Variants in SORCS2 observed in about 807,000 individuals in gnomAD.
SORCS2 encodes the protein sortilin related VPS10 domain containing receptor 2, also known as VPS10 domain-containing receptor SorCS2.
SORCS2 carries 100 observed loss-of-function variants against 141.6 expected under a neutral mutation model. That is an observed-to-expected ratio of 0.71 (90% CI 0.60 to 0.83). The LOEUF (loss-of-function observed/expected upper bound fraction) is 0.83. Among genes scored for constraint, SORCS2 ranks in the 40% least tolerant of loss-of-function variants. The probability of loss-of-function intolerance (pLI) is 0.00; values close to 1 mark genes in which losing one functional copy is unlikely to be tolerated. For synonymous variants in SORCS2, 789 were observed against 676.9 expected (o/e 1.17, Z -2.57); for missense variants, 1,646 against 1,560.2 (o/e 1.05, Z -0.93).
chr4:7,485,227 G>A (rs915231193), intron 2 of SORCS2, among the ~76,000 whole-genome samples: 1 of 152,208 alleles, frequency 6.6e-6, no homozygotes, highest in Non-Finnish European at 1.5e-5. Flanking sequence ...TCCAGGTCTG[G>A]TCTAAGCCAG....
Position 7,726,922 on chromosome 4 carries a change from C to G in SORCS2, c.2869+19C>G. 6.2e-7 allele frequency: 1 copy of G among 1,607,222 alleles called. No individual in the cohort carries two copies. Among genetic ancestry groups the G allele is most frequent in the East Asian group, 2.2e-5 (1 of 44,666 alleles). ...GTGCTGGGTAAGTACTTCCTGGGGT[C>G]TGGCAGCACGGCCTCTGCATCTCTG... is the stretch of plus-strand genomic sequence containing the variant. On this transcript the variant is annotated intron_variant, in intron 21 of 26. Coordinates refer to ENST00000507866, the MANE Select transcript of SORCS2 (RefSeq NM_020777.3).
At chr4:7,374,947 G>C (rs892702774) in intron 1 of SORCS2, among the ~76,000 whole-genome samples, 1 of 152,186 alleles carries the variant, frequency 6.6e-6, no homozygotes, top group Non-Finnish European at 1.5e-5. Flanking sequence ...ACACTTTGCT[G>C]TTGGGGTTGG....
chr4:7,493,887 C>T (rs1361017939), intron 2 of SORCS2, among the ~76,000 whole-genome samples: 2 of 152,206 alleles, frequency 1.3e-5, no homozygotes, highest in East Asian at 1.9e-4. Flanking sequence ...GATACACCCT[C>T]GAAATAAACC....
chr4:7,412,214 G>T (rs1725366446), intron 2 of SORCS2, among the ~76,000 whole-genome samples: 1 of 152,174 alleles, frequency 6.6e-6, no homozygotes, highest in Admixed American at 6.5e-5. Flanking sequence ...CCACCCGCGT[G>T]TCACTCTCCT....
chr4:7,536,780 T>G (rs16840474), intron 3 of SORCS2, among the ~76,000 whole-genome samples: 2,665 of 151,704 alleles, frequency 0.018, 183 homozygotes, highest in East Asian at 0.16. Context: ...TCGGTGATCA[T>G]TTTTGGTGTA....
chr4:7,417,577 C>T (rs1255365624), intron 2 of SORCS2, among the ~76,000 whole-genome samples: 2 of 152,164 alleles, frequency 1.3e-5, no homozygotes, highest in Non-Finnish European at 2.9e-5. Context: ...TGTTCTCCCA[C>T]CTTTAAAACG....
chr4:7,252,170 G>A (rs1713549591), intron 1 of SORCS2, among the ~76,000 whole-genome samples: 1 of 152,212 alleles, frequency 6.6e-6, no homozygotes, highest in African/African-American at 2.4e-5. Context: ...GCATCTGGGG[G>A]GCCTCAGCAC....
intron 2 of SORCS2, among the ~76,000 whole-genome samples, chr4:7,429,868 C>T (rs1726708790): frequency 6.6e-6 from 1 of 152,200 alleles, no homozygotes; most frequent in Non-Finnish European, 1.5e-5. Flanking sequence ...GCATCCACCT[C>T]TGGGGAATAG....
chr4:7,740,989 T>G lies in SORCS2; in HGVS notation c.*725T>G, dbSNP rs1577146177. ...CCAGAGGGGCAGCAGCTCTCCCTGGTTCTCCCCAGGGCAGACGGGGTAGGG... is the reference window on the plus strand; with the variant it reads ...CCAGAGGGGCAGCAGCTCTCCCTGGGTCTCCCCAGGGCAGACGGGGTAGGG... On this transcript the variant is annotated 3_prime_UTR_variant, in exon 27 of 27. Coordinates refer to ENST00000507866, the MANE Select transcript of SORCS2 (RefSeq NM_020777.3). 2.5e-6 allele frequency: 1 copy of G among 398,472 alleles called. No homozygotes were observed. Among genetic ancestry groups the G allele is most frequent in the Admixed American group, 4.4e-5 (1 of 22,744 alleles). 24.7% of individuals were successfully genotyped at this position (398,472 alleles called of 1,614,324 possible). A position where few individuals can be genotyped will look rare whatever the true frequency, so the allele number is the denominator to read the frequency against.
Position 7,741,563 on chromosome 4 carries a change from G to T in SORCS2, c.*1299G>T. 1 of 284,302 alleles carries T rather than the reference G, an allele frequency of 3.5e-6. No homozygotes were observed. 17.6% of individuals were successfully genotyped at this position (284,302 alleles called of 1,614,324 possible). The stretch of plus-strand genomic sequence containing the variant: ...AGATGACCGTGGCCTCCCTCTCAGA[G>T]GGGGAGAACGCCAGAGCCCTGGCTG... On this transcript the variant is annotated 3_prime_UTR_variant, in exon 27 of 27. Coordinates refer to ENST00000507866, the MANE Select transcript of SORCS2 (RefSeq NM_020777.3).
intron 3 of SORCS2, among the ~76,000 whole-genome samples, chr4:7,617,311 T>C (rs1458845063): frequency 6.6e-6 from 1 of 152,082 alleles, no homozygotes; most frequent in African/African-American, 2.4e-5. Flanking sequence ...GTGCCATTGA[T>C]CTATATGGTA....
intron 2 of SORCS2, among the ~76,000 whole-genome samples, chr4:7,438,405 C>T (rs1421009668): frequency 2.0e-5 from 3 of 152,196 alleles, no homozygotes; most frequent in African/African-American, 4.8e-5. Flanking sequence ...CTACCAGCTT[C>T]CTTCTCTGTA....
chr4:7,624,285 T>C (rs1030396788), intron 3 of SORCS2, among the ~76,000 whole-genome samples: 3 of 152,174 alleles, frequency 2.0e-5, no homozygotes, highest in East Asian at 1.9e-4. Context: ...GCCTTTCTTA[T>C]TGGAGTCTAT....
intron 1 of SORCS2, among the ~76,000 whole-genome samples, chr4:7,244,192 C>T (rs1712915982): frequency 6.6e-6 from 1 of 152,220 alleles, no homozygotes; most frequent in Non-Finnish European, 1.5e-5. Context: ...TGCCAATCTC[C>T]GTTCTTGGAG....
chr4:7,273,785 G>A (rs747737407), intron 1 of SORCS2, among the ~76,000 whole-genome samples: 27 of 152,306 alleles, frequency 1.8e-4, no homozygotes, highest in Middle Eastern at 3.4e-3. Context: ...GCTCTGTGGC[G>A]TTGAACCTCA....
chr4:7,274,540 G>C (rs1715359080), intron 1 of SORCS2, among the ~76,000 whole-genome samples: 1 of 152,126 alleles, frequency 6.6e-6, no homozygotes, highest in Non-Finnish European at 1.5e-5. Flanking sequence ...AAGAGGAGGA[G>C]TGGAGAGTGG....
chr4:7,434,136 G>A, intron 2 of SORCS2: 1 of 1,613,662 alleles, frequency 6.2e-7, no homozygotes, highest in Non-Finnish European at 8.5e-7. Flanking sequence ...CCCCCTTCCT[G>A]CAGAGCTCCT....
At chr4:7,238,523 G>T (rs1370630537) in intron 1 of SORCS2, among the ~76,000 whole-genome samples, 3 of 152,192 alleles carry the variant, frequency 2.0e-5, no homozygotes, top group Non-Finnish European at 4.4e-5. Context: ...GAGCAGCTTG[G>T]TTGCTCTCAG....
Position 7,726,662 on chromosome 4 carries a change from T to A in SORCS2, c.2746-118T>A. Reference sequence around the variant, plus strand: ...CACAGGATGTCCATAATGGGCCCATTTGCTGATGGGAACAAGGGGACAGCA... The same window carrying A: ...CACAGGATGTCCATAATGGGCCCATATGCTGATGGGAACAAGGGGACAGCA... On this transcript the variant is annotated intron_variant, in intron 20 of 26. Coordinates refer to ENST00000507866, the MANE Select transcript of SORCS2 (RefSeq NM_020777.3). 9 of 1,365,740 alleles carry A rather than the reference T, an allele frequency of 6.6e-6. No individual in the cohort carries two copies. The South Asian group carries it at 1.3e-4, about 20-fold the overall frequency. 84.6% of individuals were successfully genotyped at this position (1,365,740 alleles called of 1,614,324 possible). A position where few individuals can be genotyped will look rare whatever the true frequency, so the allele number is the denominator to read the frequency against.
Sources: allele counts gnomAD v4.1 joint callset (sites outside exome capture counted in the v4.1 genomes callset), GRCh38; gene constraint gnomAD v4.1.1; transcripts MANE v1.5; gene names NCBI Gene and HGNC (gene_info 2026-07-23, HGNC 2026-07-21).